PHF24: variants seen among roughly 807,000 people sequenced by gnomAD.
PHF24 encodes the protein Galpha inhibitory interacting protein.
A neutral mutation model predicts 42.6 loss-of-function variants in PHF24; 25 were observed. The ratio of observed to expected loss-of-function variants is 0.59; its 90% CI spans 0.43 to 0.82. The LOEUF (loss-of-function observed/expected upper bound fraction) is 0.82, where lower values mean the gene tolerates loss of function less well. Ranked by LOEUF, PHF24 falls within the 40% of genes least tolerant of loss-of-function variation. PHF24 has a pLI of 0.00. For synonymous variants in PHF24, 185 were observed against 204.8 expected (o/e 0.90, Z 0.83); for missense variants, 470 against 538.1 (o/e 0.87, Z 1.25).
At chr9:34,981,880 G>A (rs1827404451) in exon 8 of PHF24, 1 of 152,080 alleles carries the variant, frequency 6.6e-6, no homozygotes. Context: ...CTCCTGGAGT[G>A]GGGGATATTC....
rs749772215 is a variant in PHF24 at position 34,971,768 on chromosome 9, C to G, written c.378+92C>G. The G allele has an allele frequency of 3.1e-4, 436 of 1,409,990 alleles. 5 individuals carry two copies. In the Middle Eastern group the frequency reaches 5.1e-3, roughly 16 times the overall value. 87.3% of individuals were successfully genotyped at this position (1,409,990 alleles called of 1,614,324 possible). A position where few individuals can be genotyped will look rare whatever the true frequency, so the allele number is the denominator to read the frequency against. ...ATGTGGGTAAGGTGATCCTCAAAAC[C>G]GGAAAAATGGAGCTGAGTCCAAAAA... On this transcript the variant is annotated intron_variant, in intron 2 of 7. Transcript: ENST00000242315.
the PHF24 span, chr9:34,833,693 G>A: frequency 6.6e-7 from 1 of 1,516,200 alleles, no homozygotes; most frequent in Non-Finnish European, 9.0e-7. Context: ...GCTTTCTAGA[G>A]GCAGCGTCTC....
chr9:34,802,272 T>A, the PHF24 span, among the ~76,000 whole-genome samples: 1 of 152,162 alleles, frequency 6.6e-6, no homozygotes, highest in Non-Finnish European at 1.5e-5. Flanking sequence ...AGTACCCCAC[T>A]TCCTAATCAC....
At chr9:34,711,908 T>TGG in the PHF24 span, among the ~76,000 whole-genome samples, 2 of 152,146 alleles carry the variant, frequency 1.3e-5, no homozygotes, top group Non-Finnish European at 2.9e-5. Context: ...TTATTTTTTG[T>TGG]CCTTTTGTTT....
At chr9:34,856,186 G>C in the PHF24 span, among the ~76,000 whole-genome samples, 1 of 152,254 alleles carries the variant, frequency 6.6e-6, no homozygotes, top group South Asian at 2.1e-4. Context: ...GTTTTACCAT[G>C]ATTCTTAGCT....
chr9:34,835,534 G>T, the PHF24 span: 2 of 1,551,798 alleles, frequency 1.3e-6, no homozygotes, highest in South Asian at 1.2e-5. Context: ...AGGAGACCTG[G>T]AAATTCAAGT....
the PHF24 span, among the ~76,000 whole-genome samples, chr9:34,844,522 C>A: frequency 6.6e-6 from 1 of 151,976 alleles, no homozygotes; most frequent in Non-Finnish European, 1.5e-5. Context: ...TCTAATTTCC[C>A]TTGTGATTTA....
chr9:34,971,331 G>A (rs796847786), exon 2 of PHF24: 3 of 1,611,116 alleles, frequency 1.9e-6, no homozygotes, highest in Non-Finnish European at 2.5e-6. Flanking sequence ...GGCAGACAGT[G>A]GAGCAGGTGC....
At chr9:34,957,218 G>A (rs7031733), upstream of PHF24, among the ~76,000 whole-genome samples, 1 of 151,762 alleles carries the variant, frequency 6.6e-6, no homozygotes, top group East Asian at 1.9e-4. Context: ...TTTTTATATC[G>A]CACCAGGGTA....
the PHF24 span, among the ~76,000 whole-genome samples, chr9:34,859,604 C>G: frequency 6.7e-6 from 1 of 148,440 alleles, no homozygotes; most frequent in Non-Finnish European, 1.5e-5. Context: ...GGGCTTTGAG[C>G]TTCCTAGTCT....
At chr9:34,935,743 G>T in the PHF24 span, among the ~76,000 whole-genome samples, 2 of 150,794 alleles carry the variant, frequency 1.3e-5, no homozygotes, top group African/African-American at 4.9e-5. Context: ...TGTGGGGGGG[G>T]GGTGTGTGTG....
the PHF24 span, among the ~76,000 whole-genome samples, chr9:34,939,632 G>C: frequency 1.3e-5 from 2 of 152,234 alleles, no homozygotes; most frequent in Admixed American, 6.5e-5. Context: ...AGCAGACCAT[G>C]AGAAGCATGG....
chr9:34,857,135 C>T, the PHF24 span, among the ~76,000 whole-genome samples: 1 of 152,304 alleles, frequency 6.6e-6, no homozygotes, highest in East Asian at 1.9e-4. Context: ...GAGATGGCGG[C>T]CACTCTTCCC....
the PHF24 span, chr9:34,837,484 T>C: frequency 1.7e-6 from 1 of 577,454 alleles, no homozygotes; most frequent in Non-Finnish European, 3.2e-6. Context: ...ATGTAGAGAA[T>C]TTTGGAACGT....
the PHF24 span, among the ~76,000 whole-genome samples, chr9:34,937,254 C>T: frequency 2.0e-5 from 3 of 152,180 alleles, no homozygotes; most frequent in African/African-American, 7.2e-5. Context: ...GTTGCCGTGT[C>T]TGTGTAGAAA....
chr9:34,751,917 C>T, the PHF24 span, among the ~76,000 whole-genome samples: 1 of 151,934 alleles, frequency 6.6e-6, no homozygotes, highest in South Asian at 2.1e-4. Flanking sequence ...ATTATATAAA[C>T]AGATGGAAAT....
chr9:34,879,400 A>G, the PHF24 span, among the ~76,000 whole-genome samples: 2 of 152,194 alleles, frequency 1.3e-5, no homozygotes, highest in African/African-American at 4.8e-5. Flanking sequence ...GATGATAGGT[A>G]ATAACAAACT....
the PHF24 span, among the ~76,000 whole-genome samples, chr9:34,939,745 A>G: frequency 5.9e-5 from 9 of 152,112 alleles, no homozygotes; most frequent in Admixed American, 1.3e-4. Context: ...CCACACATCT[A>G]CTTCTACTCA....
At chr9:34,833,354 G>T in the PHF24 span, 3 of 1,550,830 alleles carry the variant, frequency 1.9e-6, no homozygotes, top group Non-Finnish European at 2.6e-6. Flanking sequence ...CTGGGGTACT[G>T]CTTTGGAATT....
Sources: allele counts gnomAD v4.1 joint callset (sites outside exome capture counted in the v4.1 genomes callset), GRCh38; gene constraint gnomAD v4.1.1; transcripts MANE v1.5; gene names NCBI Gene and HGNC (gene_info 2026-07-23, HGNC 2026-07-21).